The following PFKFB3 variants were observed in gnomAD, a reference collection of about 807,000 sequenced individuals.
The protein encoded by PFKFB3 is 6-phosphofructo-2-kinase/fructose-2,6-bisphosphatase 3.
A neutral mutation model predicts 68.0 loss-of-function variants in PFKFB3; 33 were observed. That is an observed-to-expected ratio of 0.49 (90% CI 0.37 to 0.65). The LOEUF (loss-of-function observed/expected upper bound fraction) is 0.65, where lower values mean the gene tolerates loss of function less well. Ranked by LOEUF, PFKFB3 falls within the 30% of genes least tolerant of loss-of-function variation. The probability of loss-of-function intolerance (pLI) is 0.00; values close to 1 mark genes in which losing one functional copy is unlikely to be tolerated. For synonymous variants in PFKFB3, 315 were observed against 288.2 expected, an observed-to-expected ratio of 1.09 and a Z score of -0.94; for missense variants, 586 against 712.2, an observed-to-expected ratio of 0.82 and a Z score of 2.02.
the PFKFB3 span, among the ~76,000 whole-genome samples, chr10:6,306,856 A>G: frequency 3.3e-4 from 50 of 152,330 alleles, 1 homozygote; most frequent in East Asian, 8.7e-3. Context: ...TGACAGGACA[A>G]CTTTCTCAGT....
At chr10:6,161,038 C>A (rs1021353803) in intron 1 of PFKFB3, among the ~76,000 whole-genome samples, 9 of 152,056 alleles carry the variant, frequency 5.9e-5, no homozygotes, top group Non-Finnish European at 1.0e-4. Context: ...CGGGTTCAAG[C>A]AATTCTCCTG....
At chr10:6,257,490 G>T (rs994317320), downstream of PFKFB3, among the ~76,000 whole-genome samples, 5 of 152,188 alleles carry the variant, frequency 3.3e-5, no homozygotes, top group Non-Finnish European at 7.3e-5. Context: ...CAAGTGACTT[G>T]ACCATGGTAG....
At chr10:6,178,866 C>T (rs1161040211) in intron 1 of PFKFB3, among the ~76,000 whole-genome samples, 1 of 152,188 alleles carries the variant, frequency 6.6e-6, no homozygotes, top group Non-Finnish European at 1.5e-5. Context: ...GCGCACTGGT[C>T]CCTACCTTGG....
intron 4 of PFKFB3, 34 bp downstream of exon 4, chr10:6,216,225 A>AGTCCCACCCATGAGGGTGTCCT (rs1844569049): frequency 6.3e-7 from 1 of 1,591,874 alleles, no homozygotes; most frequent in Non-Finnish European, 8.6e-7. Flanking sequence ...CTCGGTGTCC[A>AGTCCCACCCATGAGGGTGTCCT]GTCCCACCCA....
chr10:6,189,729 G>A (rs1005930374), intron 1 of PFKFB3, among the ~76,000 whole-genome samples: 2 of 151,974 alleles, frequency 1.3e-5, no homozygotes, highest in African/African-American at 4.8e-5. Flanking sequence ...TGGACAGGCT[G>A]GTCTCGAACT....
chr10:6,255,935 C>T (rs1846489134), downstream of PFKFB3, among the ~76,000 whole-genome samples: 1 of 152,186 alleles, frequency 6.6e-6, no homozygotes, highest in Non-Finnish European at 1.5e-5. Flanking sequence ...CACCCGGTTC[C>T]TCCTGGGCTC....
chr10:6,294,810 C>G, the PFKFB3 span: 1 of 152,276 alleles, frequency 6.6e-6, no homozygotes, highest in Non-Finnish European at 1.5e-5. Flanking sequence ...CATCTCTCTG[C>G]CTCCATTTCC....
At chr10:6,225,613 T>C (rs1845288179) in intron 13 of PFKFB3, among the ~76,000 whole-genome samples, 1 of 152,224 alleles carries the variant, frequency 6.6e-6, no homozygotes, top group Non-Finnish European at 1.5e-5. Flanking sequence ...GGGAGGGCTG[T>C]GTCTGGTCCT....
chr10:6,296,991 G>A, the PFKFB3 span, among the ~76,000 whole-genome samples: 1 of 152,196 alleles, frequency 6.6e-6, no homozygotes, highest in African/African-American at 2.4e-5. Flanking sequence ...GGAACCCAAG[G>A]TAAAGGGATA....
downstream of PFKFB3, among the ~76,000 whole-genome samples, chr10:6,240,009 AT>A (rs1264350477): frequency 6.6e-6 from 1 of 152,142 alleles, no homozygotes; most frequent in East Asian, 1.9e-4. Flanking sequence ...TGCATAGATA[AT>A]TTTAAGGGAA....
chr10:6,155,205 C>CTTTTTTT lies in PFKFB3; in HGVS notation c.16+10201_16+10207dup, dbSNP rs55673645. Among the ~76,000 whole-genome samples the CTTTTTTT allele has an allele frequency of 6.0e-5, 8 of 132,376 alleles. 1 individual carries two copies. Among genetic ancestry groups the CTTTTTTT allele is most frequent in the Admixed American group, 8.0e-5 (1 of 12,466 alleles). The allele number at this position is 132,376 out of a possible 152,430, so 86.8% of individuals were successfully genotyped here. On this transcript the variant is annotated intron_variant, in intron 1 of 14. Transcript: ENST00000379789. Reference sequence around the variant, plus strand: ...GAGAAAAGCACTTACGAGTTTTTTTCTTTTTTTTTTTTTTTGAGACGGAGT... The same window carrying CTTTTTTT: ...GAGAAAAGCACTTACGAGTTTTTTTCTTTTTTTTTTTTTTTTTTTTTTGAGACGGAGT...
the PFKFB3 span, among the ~76,000 whole-genome samples, chr10:6,279,880 A>T: frequency 5.3e-5 from 8 of 152,156 alleles, no homozygotes; most frequent in Non-Finnish European, 7.3e-5. Flanking sequence ...TTAATTAGAC[A>T]TTGGCCTGAC....
upstream of PFKFB3, among the ~76,000 whole-genome samples, chr10:6,200,683 T>TGG (rs1564613510): frequency 4.1e-4 from 4 of 9,656 alleles, 1 homozygote; most frequent in Non-Finnish European, 7.4e-4. Context: ...GGGCGGGGGG[T>TGG]GGTGGTGGGG....
chr10:6,263,155 T>C, the PFKFB3 span, among the ~76,000 whole-genome samples: 4 of 152,232 alleles, frequency 2.6e-5, no homozygotes, highest in South Asian at 2.1e-4. Context: ...CTTAGCATTG[T>C]TTCTATAGAT....
intron 1 of PFKFB3, among the ~76,000 whole-genome samples, chr10:6,167,952 G>C (rs643867): frequency 0.21 from 29,310 of 140,878 alleles, 3,300 homozygotes; most frequent in Non-Finnish European, 0.28. Context: ...TCCCTAGGTC[G>C]TTCCTGCTTT....
chr10:6,187,967 C>G (rs1402488701), intron 1 of PFKFB3, among the ~76,000 whole-genome samples: 3 of 133,988 alleles, frequency 2.2e-5, no homozygotes, highest in Non-Finnish European at 4.8e-5. Context: ...ATCTATCTAT[C>G]TATCTATCTA....
At chr10:6,222,713 A>C (rs1845056215) in intron 10 of PFKFB3, 142 bp from the exon 11 acceptor site, 2 of 887,612 alleles carry the variant, frequency 2.3e-6, no homozygotes, top group Non-Finnish European at 1.6e-6. Flanking sequence ...GTCCACGTTA[A>C]ACCCTGCTCC....
chr10:6,282,510 G>A, the PFKFB3 span, among the ~76,000 whole-genome samples: 29 of 152,308 alleles, frequency 1.9e-4, no homozygotes, highest in African/African-American at 5.5e-4. Flanking sequence ...AGCTGTGACC[G>A]TAGCAGCAGA....
chr10:6,271,888 G>A, the PFKFB3 span, among the ~76,000 whole-genome samples: 1 of 152,208 alleles, frequency 6.6e-6, no homozygotes, highest in Admixed American at 6.5e-5. Context: ...ATGGGAAGAA[G>A]TATTGCAAAA....
Sources: gnomAD v4.1 joint callset for allele counts (sites outside exome capture counted in the v4.1 genomes callset) on GRCh38, gnomAD v4.1.1 for gene constraint, MANE v1.5 for transcripts, NCBI Gene and HGNC (gene_info 2026-07-23, HGNC 2026-07-21) for gene names.